The following TECRL variants were observed in gnomAD, a reference collection of about 807,000 sequenced individuals.
The protein encoded by TECRL is trans-2,3-enoyl-CoA reductase-like.
Under a neutral mutation model 52.8 loss-of-function variants are expected in TECRL, and 63 were observed. That is an observed-to-expected ratio of 1.19 (90% CI 0.97 to 1.47). The LOEUF is 1.47. Among genes scored for constraint, TECRL ranks in the 40% most tolerant of loss-of-function variants. The pLI is 0.00. For missense variants in TECRL, 482 were observed against 429.6 expected, an observed-to-expected ratio of 1.12 and a Z score of -1.08; for synonymous variants, 164 against 141.9, an observed-to-expected ratio of 1.16 and a Z score of -1.10.
chr4:64,371,212 AT>A (rs1721951564), intron 2 of TECRL, among the ~76,000 whole-genome samples: 1 of 151,406 alleles, frequency 6.6e-6, no homozygotes, highest in Non-Finnish European at 1.5e-5. Context: ...ATACATAATT[AT>A]TTTTACATTA....
intron 1 of TECRL, among the ~76,000 whole-genome samples, chr4:64,380,111 T>C (rs1345747007): frequency 1.3e-5 from 2 of 152,038 alleles, no homozygotes; most frequent in African/African-American, 4.8e-5. Context: ...TAAGTTAATA[T>C]CTAATTGTAG....
At chr4:64,378,882 A>C (rs190249402) in intron 1 of TECRL, among the ~76,000 whole-genome samples, 19 of 92,246 alleles carry the variant, frequency 2.1e-4, no homozygotes, top group African/African-American at 7.3e-4. Context: ...GAAATGTTTT[A>C]TATTGTATCA....
At chr4:64,351,838 A>C (rs1245758397) in intron 2 of TECRL, among the ~76,000 whole-genome samples, 1 of 152,192 alleles carries the variant, frequency 6.6e-6, no homozygotes, top group East Asian at 1.9e-4. Flanking sequence ...TGTGAACTAC[A>C]CTTTATAAAT....
At chr4:64,340,051 A>G (rs1719442501) in intron 2 of TECRL, among the ~76,000 whole-genome samples, 1 of 152,154 alleles carries the variant, frequency 6.6e-6, no homozygotes, top group African/African-American at 2.4e-5. Context: ...ATTACTCTAT[A>G]CAGAGATAAT....
chr4:64,322,581 T>C, intron 4 of TECRL, 108 bp downstream of exon 4: 1 of 663,554 alleles, frequency 1.5e-6, no homozygotes, highest in Non-Finnish European at 2.3e-6. Context: ...AAAATACCTT[T>C]CACTACATTT....
In TECRL at chr4:64,322,750, G is replaced by C. The variant is rs201403126; in HGVS notation, c.374C>G (p.Ala125Gly). The C allele has an allele frequency of 6.2e-7, 1 of 1,612,214 alleles. No individual in the cohort carries two copies. Among genetic ancestry groups the C allele is most frequent in the South Asian group, 1.1e-5 (1 of 90,848 alleles). ...LKDYITIQSI[A>G]ASSIVTLYAT... ...ATACAGTGTGACAATGGAGGAAGCT[G>C]CAATACTTTGAATGGTAATGTAGTC... The change falls in exon 4 of 12, where the codon GCA (alanine) becomes GGA (glycine). Residue 125 changes from alanine to glycine, a missense_variant. Physicochemically the swap from Ala to Gly is moderately conservative, Grantham distance 60. Coordinates refer to ENST00000381210, the MANE Select transcript of TECRL (RefSeq NM_001010874.5).
intron 9 of TECRL, among the ~76,000 whole-genome samples, chr4:64,281,827 C>A (rs868754712): frequency 8.6e-5 from 13 of 151,792 alleles, no homozygotes; most frequent in Non-Finnish European, 1.5e-4. Flanking sequence ...ATAATCAATT[C>A]TTTAAGATCT....
chr4:64,378,428 A>G (rs1455949173), intron 1 of TECRL, among the ~76,000 whole-genome samples: 2 of 152,008 alleles, frequency 1.3e-5, no homozygotes, highest in Admixed American at 1.3e-4. Flanking sequence ...TTAGCAGGGC[A>G]TGGAGGGGTG....
intron 1 of TECRL, among the ~76,000 whole-genome samples, chr4:64,398,384 A>G (rs2109771243): frequency 6.6e-6 from 1 of 152,288 alleles, no homozygotes; most frequent in Non-Finnish European, 1.5e-5. Flanking sequence ...TTTCTCGTGA[A>G]TGATTTAATA....
At chr4:64,322,922 C>A (rs1034333337) in intron 3 of TECRL, 130 bp from the exon 4 acceptor site, 10 of 680,058 alleles carry the variant, frequency 1.5e-5, no homozygotes, top group Non-Finnish European at 2.1e-5. Context: ...TACAAGAAAT[C>A]TTCAAAGTAA....
At chr4:64,375,254 T>TA (rs1391786169) in intron 1 of TECRL, 31 bp from the exon 2 acceptor site, 1 of 1,122,066 alleles carries the variant, frequency 8.9e-7, no homozygotes, top group South Asian at 2.0e-5. Flanking sequence ...GAGTTATTTT[T>TA]AAAAACTGTT....
chr4:64,396,842 G>A (rs1723990665), intron 1 of TECRL, among the ~76,000 whole-genome samples: 1 of 152,082 alleles, frequency 6.6e-6, no homozygotes, highest in South Asian at 2.1e-4. Flanking sequence ...ATGGCGACAG[G>A]AAGGTGTCCA....
intron 2 of TECRL, among the ~76,000 whole-genome samples, chr4:64,370,102 A>G (rs991400967): frequency 1.3e-5 from 2 of 151,954 alleles, no homozygotes; most frequent in African/African-American, 4.8e-5. Flanking sequence ...GGAGAAAGGT[A>G]TAGGAATACT....
chr4:64,291,696 T>C (rs1577811062), intron 8 of TECRL, among the ~76,000 whole-genome samples: 1 of 151,838 alleles, frequency 6.6e-6, no homozygotes, highest in East Asian at 1.9e-4. Context: ...TAATGAGCCA[T>C]GAAAAAAATA....
chr4:64,354,416 A>G (rs1720616006), intron 2 of TECRL, among the ~76,000 whole-genome samples: 1 of 152,218 alleles, frequency 6.6e-6, no homozygotes, highest in African/African-American at 2.4e-5. Flanking sequence ...CTGATGAACT[A>G]GGAGACAAAT....
chr4:64,370,622 A>G (rs1475330160), intron 2 of TECRL, among the ~76,000 whole-genome samples: 1 of 151,778 alleles, frequency 6.6e-6, no homozygotes, highest in African/African-American at 2.4e-5. Context: ...TATCATCCTA[A>G]TTTCATAAGG....
intron 2 of TECRL, among the ~76,000 whole-genome samples, chr4:64,368,393 T>C (rs1003089914): frequency 6.6e-5 from 10 of 152,094 alleles, no homozygotes; most frequent in African/African-American, 2.2e-4. Flanking sequence ...CCTACCAGAT[T>C]CAAGCGATTC....
chr4:64,317,179 G>A (rs1717559621), intron 4 of TECRL, among the ~76,000 whole-genome samples: 1 of 152,118 alleles, frequency 6.6e-6, no homozygotes, highest in Non-Finnish European at 1.5e-5. Flanking sequence ...TCGGGAGGCT[G>A]AGGCAGAAGA....
At chr4:64,329,616 A>G (rs1020914019) in intron 2 of TECRL, among the ~76,000 whole-genome samples, 2 of 151,938 alleles carry the variant, frequency 1.3e-5, no homozygotes, top group African/African-American at 4.8e-5. Flanking sequence ...TCTAGAAAAT[A>G]TGTTATTTTC....
Sources: gnomAD v4.1 joint callset for allele counts (sites outside exome capture counted in the v4.1 genomes callset) on GRCh38, gnomAD v4.1.1 for gene constraint, MANE v1.5 for transcripts, NCBI Gene and HGNC (gene_info 2026-07-23, HGNC 2026-07-21) for gene names.